SCOC: variants seen among roughly 807,000 people sequenced by gnomAD.
SCOC encodes the protein short coiled-coil protein, also known as short coiled coil protein.
SCOC carries 7 observed loss-of-function variants against 9.9 expected under a neutral mutation model. The observed-to-expected ratio is 0.71, with a 90% CI of 0.40 to 1.33. The LOEUF is 1.33. SCOC is among the 40% of genes most tolerant of loss of function. The probability of loss-of-function intolerance (pLI) is 0.01; values close to 1 mark genes in which losing one functional copy is unlikely to be tolerated. For missense variants in SCOC, 66 were observed against 89.7 expected (o/e 0.74, Z 1.07); for synonymous variants, 19 against 28.2 (o/e 0.67, Z 1.03).
At chr4:140,278,878 T>C (rs1162150241) in intron 1 of SCOC, among the ~76,000 whole-genome samples, 7 of 128,356 alleles carry the variant, frequency 5.5e-5, no homozygotes, top group African/African-American at 2.0e-4. Context: ...CCCAACCCCA[T>C]CTGTTCTTCT....
intron 2 of SCOC, chr4:140,366,173 T>G: frequency 2.2e-6 from 1 of 447,300 alleles, no homozygotes; most frequent in Non-Finnish European, 3.2e-6. Context: ...GTGCCTCCTT[T>G]TCTTTCTTTC....
At chr4:140,271,140 A>C (rs1730836037) in intron 1 of SCOC, among the ~76,000 whole-genome samples, 1 of 152,228 alleles carries the variant, frequency 6.6e-6, no homozygotes, top group Non-Finnish European at 1.5e-5. Flanking sequence ...GATTGCTTGT[A>C]GTGGTCACAG....
At chr4:140,289,378 G>T (rs1282285800) in intron 1 of SCOC, among the ~76,000 whole-genome samples, 1 of 152,192 alleles carries the variant, frequency 6.6e-6, no homozygotes, top group Non-Finnish European at 1.5e-5. Flanking sequence ...TTCAAGGCTG[G>T]CTGCTTTTGG....
At chr4:140,343,225 C>T (rs956937037), upstream of SCOC, among the ~76,000 whole-genome samples, 5 of 152,128 alleles carry the variant, frequency 3.3e-5, no homozygotes, top group Non-Finnish European at 7.3e-5. Flanking sequence ...TTGATAAATC[C>T]TTGAGAAGTT....
At chr4:140,298,045 C>A (rs746669379) in intron 1 of SCOC, among the ~76,000 whole-genome samples, 1 of 152,152 alleles carries the variant, frequency 6.6e-6, no homozygotes, top group African/African-American at 2.4e-5. Flanking sequence ...CAGCCCCTTT[C>A]CTTGGGGTTG....
chr4:140,375,468 A>G (rs1425654664), intron 1 of SCOC, among the ~76,000 whole-genome samples: 1 of 152,230 alleles, frequency 6.6e-6, no homozygotes, highest in Non-Finnish European at 1.5e-5. Context: ...TTGCAGAGCT[A>G]GGATTTGAAT....
chr4:140,298,879 G>A (rs1207314963), intron 1 of SCOC, among the ~76,000 whole-genome samples: 1 of 152,158 alleles, frequency 6.6e-6, no homozygotes, highest in Non-Finnish European at 1.5e-5. Context: ...GCAGTGGCAC[G>A]ATCATGGTTC....
Position 140,385,620 on chromosome 4 carries a change from A to G in SCOC, c.*4516A>G, listed in dbSNP as rs1318999840. The G allele has an allele frequency of 1.3e-5, 2 of 152,184 alleles. No individual in the cohort carries two copies. The highest frequency in any genetic ancestry group is 4.8e-5 in the African/African-American group (2 of 41,430). 9.4% of individuals were successfully genotyped at this position (152,184 alleles called of 1,614,324 possible). Reference sequence around the variant, plus strand: ...TTTTGTAAGAGAAATATGGTAGTTGAATTATAAAATCTAAAATTAATTTTG... The same window carrying G: ...TTTTGTAAGAGAAATATGGTAGTTGGATTATAAAATCTAAAATTAATTTTG... On this transcript the variant is annotated 3_prime_UTR_variant, in exon 4 of 4. Coordinates refer to ENST00000608372, the MANE Select transcript of SCOC (RefSeq NM_001153484.2).
chr4:140,259,584 G>C (rs1167037495), intron 1 of SCOC, among the ~76,000 whole-genome samples: 1 of 152,194 alleles, frequency 6.6e-6, no homozygotes, highest in Non-Finnish European at 1.5e-5. Flanking sequence ...AGGCATGGTA[G>C]TGTAGTCCCA....
chr4:140,277,965 T>C (rs1006625963), intron 1 of SCOC, among the ~76,000 whole-genome samples: 7 of 152,228 alleles, frequency 4.6e-5, no homozygotes, highest in Non-Finnish European at 8.8e-5. Flanking sequence ...ATCTTTGCCA[T>C]AGTGGATTCT....
intron 1 of SCOC, among the ~76,000 whole-genome samples, chr4:140,377,475 G>A (rs2126596798): frequency 6.6e-6 from 1 of 152,324 alleles, no homozygotes; most frequent in Non-Finnish European, 1.5e-5. Flanking sequence ...AAGACTTGGA[G>A]TAGGTTTATT....
chr4:140,379,968 A>G (rs190944243), intron 3 of SCOC, among the ~76,000 whole-genome samples: 1 of 152,276 alleles, frequency 6.6e-6, no homozygotes, highest in African/African-American at 2.4e-5. Context: ...AAAACAATGT[A>G]TTAGCCTTGG....
intron 1 of SCOC, among the ~76,000 whole-genome samples, chr4:140,320,290 C>G (rs985505472): frequency 4.6e-5 from 7 of 152,164 alleles, no homozygotes; most frequent in African/African-American, 1.7e-4. Flanking sequence ...CCTATATTGT[C>G]TAAAAAGGGG....
intron 2 of SCOC, among the ~76,000 whole-genome samples, chr4:140,349,064 T>C (rs1242234973): frequency 6.6e-6 from 1 of 152,240 alleles, no homozygotes; most frequent in Non-Finnish European, 1.5e-5. Flanking sequence ...GATATTTGTT[T>C]TCTTGCATTT....
chr4:140,363,814 T>C (rs1578863843), intron 2 of SCOC, among the ~76,000 whole-genome samples: 1 of 152,354 alleles, frequency 6.6e-6, no homozygotes, highest in Admixed American at 6.5e-5. Flanking sequence ...TAATCTCTTG[T>C]GGTTCTCTAG....
chr4:140,366,903 T>G (rs764671139), intron 2 of SCOC: 174 of 647,262 alleles, frequency 2.7e-4, no homozygotes, highest in Admixed American at 5.9e-4. Flanking sequence ...AGGTGCATTC[T>G]TTTATAAAAT....
At chr4:140,296,383 G>C (rs1052979293) in intron 1 of SCOC, among the ~76,000 whole-genome samples, 5 of 152,262 alleles carry the variant, frequency 3.3e-5, no homozygotes, top group Non-Finnish European at 4.4e-5. Context: ...AGGGTGGAGC[G>C]GCTGTCTTTT....
intron 1 of SCOC, among the ~76,000 whole-genome samples, chr4:140,320,182 A>G (rs1732457274): frequency 6.6e-6 from 1 of 152,156 alleles, no homozygotes; most frequent in Admixed American, 6.5e-5. Context: ...CACCAAAACC[A>G]AGATGGCCAC....
chr4:140,378,144 G>T (rs358312), intron 1 of SCOC, among the ~76,000 whole-genome samples: 5,851 of 151,950 alleles, frequency 0.039, 141 homozygotes, highest in South Asian at 0.094. Context: ...AGTCTGTTTT[G>T]ATTTAACCCT....
Sources: allele counts gnomAD v4.1 joint callset (sites outside exome capture counted in the v4.1 genomes callset), GRCh38; gene constraint gnomAD v4.1.1; transcripts MANE v1.5; gene names NCBI Gene and HGNC (gene_info 2026-07-23, HGNC 2026-07-21).